The following EPS8 variants were observed in gnomAD, a reference collection of about 807,000 sequenced individuals.
EPS8 encodes the protein EGFR pathway substrate 8, signaling adaptor.
A neutral mutation model predicts 103.8 loss-of-function variants in EPS8; 42 were observed. The ratio of observed to expected loss-of-function variants is 0.40; its 90% confidence interval spans 0.32 to 0.52. The LOEUF is 0.52. Among genes scored for constraint, EPS8 ranks in the 20% least tolerant of loss-of-function variants. The pLI is 0.40. For synonymous variants in EPS8, 344 were observed against 344.6 expected (o/e 1.00, Z 0.02); for missense variants, 969 against 1,005.1 (o/e 0.96, Z 0.49).
chr12:15,707,935 C>A (rs1402163025), intron 1 of EPS8, among the ~76,000 whole-genome samples: 1 of 152,090 alleles, frequency 6.6e-6, no homozygotes, highest in African/African-American at 2.4e-5. Flanking sequence ...TTTTCTTCCC[C>A]TTTTATGTAT....
chr12:15,636,773 G>T (rs1030662604), intron 17 of EPS8, among the ~76,000 whole-genome samples: 2 of 152,050 alleles, frequency 1.3e-5, no homozygotes, highest in Non-Finnish European at 2.9e-5. Flanking sequence ...TTACAAAAAT[G>T]TCCTATTCTA....
At chr12:15,627,033 C>T (rs1374971000) in intron 18 of EPS8, among the ~76,000 whole-genome samples, 2 of 151,968 alleles carry the variant, frequency 1.3e-5, no homozygotes, top group Non-Finnish European at 2.9e-5. Context: ...AAGAGTCTCA[C>T]TCTGTTGCCA....
rs1947016886 is a variant in EPS8 at position 15,759,142 on chromosome 12, AT to A, written c.-22+30018del. ...ATGTGTTAATATTTCATAATATGGT[AT>A]TGTTATATCCCCTATGTTTTCTTTT... On this transcript the variant is annotated intron_variant, in intron 1 of 20. Coordinates refer to ENST00000281172, the MANE Select transcript of EPS8 (RefSeq NM_004447.6). The surrounding 1 kb of genome is among the most constrained non-coding windows in gnomAD (Gnocchi z 4.9). Among the ~76,000 whole-genome samples, 1 of 152,136 alleles carries A rather than the reference AT, an allele frequency of 6.6e-6. No individual in the cohort carries two copies. Among genetic ancestry groups the A allele is most frequent in the Non-Finnish European group, 1.5e-5 (1 of 67,988 alleles).
intron 1 of EPS8, among the ~76,000 whole-genome samples, chr12:15,730,705 C>A (rs889817350): frequency 3.9e-5 from 6 of 152,118 alleles, no homozygotes; most frequent in Non-Finnish European, 7.4e-5. Flanking sequence ...GAATTACGAA[C>A]CTATTAGGAC....
rs375194249 is a variant in EPS8, at chr12:15,631,553, C to G, written c.1933G>C (p.Val645Leu). 3 of 1,613,826 alleles carry G rather than the reference C, an allele frequency of 1.9e-6. No individual in the cohort carries two copies. The highest frequency in any genetic ancestry group is 2.7e-5 in the African/African-American group (2 of 74,844). The stretch of plus-strand genomic sequence containing the variant: ...TTTGCTGGGACCTTTGACACAGGAA[C>G]AGGTGCTGGAGTGGAAGGGGGAAGG... ...VPLPPSTPAP[V>L]PVSKVPANIT... The change falls in exon 18 of 21, where the codon GTT (valine) becomes CTT (leucine). Residue 645 changes from valine to leucine, a missense_variant. Val to Leu is a conservative substitution (Grantham distance 32). Transcript: ENST00000281172.
chr12:15,648,519 A>T (rs1002737401), intron 14 of EPS8, among the ~76,000 whole-genome samples: 1 of 152,240 alleles, frequency 6.6e-6, no homozygotes, highest in Non-Finnish European at 1.5e-5. Flanking sequence ...AAATAAAAAT[A>T]AACAAGTTTC....
chr12:15,642,945 C>G (rs1945257787), intron 15 of EPS8, among the ~76,000 whole-genome samples: 2 of 152,230 alleles, frequency 1.3e-5, no homozygotes, highest in South Asian at 4.1e-4. Flanking sequence ...CATGTAAGAA[C>G]AGCTTATTGG....
Position 15,716,077 on chromosome 12 carries a change from A to G in EPS8, c.-21-33105T>C, listed in dbSNP as rs1946530611. Among the ~76,000 whole-genome samples the G allele has an allele frequency of 6.6e-6, 1 of 152,192 alleles. No individual in the cohort carries two copies. Among genetic ancestry groups the G allele is most frequent in the African/African-American group, 2.4e-5 (1 of 41,444 alleles). ...TAATCAAAATAAACACTATAATCAT[A>G]AAATTCCAACCCAACATTTCAAAGT... On this transcript the variant is annotated intron_variant, in intron 1 of 20. Transcript: ENST00000281172. This position sits in a 1 kb window ranked among gnomAD's most constrained non-coding sequence, Gnocchi z 5.0.
rs1172776995 is a variant in EPS8, at chr12:15,733,441, G to T, written c.-21-50469C>A. On this transcript the variant is annotated intron_variant, in intron 1 of 20. Coordinates refer to ENST00000281172, the MANE Select transcript of EPS8 (RefSeq NM_004447.6). This position sits in a 1 kb window ranked among gnomAD's most constrained non-coding sequence, Gnocchi z 4.8. ...TCCCTCAACACATGGGGATTCTGGG[G>T]ATTATAATTTGAGATGAGATTTGGG... Among the ~76,000 whole-genome samples, 2 of 152,146 alleles carry T rather than the reference G, an allele frequency of 1.3e-5. No homozygotes were observed. Among genetic ancestry groups the T allele is most frequent in the Non-Finnish European group, 2.9e-5 (2 of 68,020 alleles).
chr12:15,692,906 G>C (rs1946194150), intron 1 of EPS8, among the ~76,000 whole-genome samples: 1 of 151,884 alleles, frequency 6.6e-6, no homozygotes, highest in African/African-American at 2.4e-5. Context: ...TATATTCTCT[G>C]ATCTTTCTGA....
At chr12:15,770,363 T>C (rs1277166269) in intron 1 of EPS8, among the ~76,000 whole-genome samples, 1 of 151,868 alleles carries the variant, frequency 6.6e-6, no homozygotes, top group African/African-American at 2.4e-5. Context: ...TTCATACTAT[T>C]AAAAATATTT....
chr12:15,710,753 T>C (rs571047197), intron 1 of EPS8, among the ~76,000 whole-genome samples: 1 of 152,310 alleles, frequency 6.6e-6, no homozygotes, highest in East Asian at 1.9e-4. Context: ...TTTAAAATAC[T>C]GGATTGTTTA....
At chr12:15,782,841 G>A (rs1179517397) in intron 1 of EPS8, among the ~76,000 whole-genome samples, 2 of 152,092 alleles carry the variant, frequency 1.3e-5, no homozygotes, top group East Asian at 1.9e-4. Flanking sequence ...TTATTGCAGC[G>A]AGCTCAAGTG....
At chr12:15,770,630 T>C (rs1015711634) in intron 1 of EPS8, among the ~76,000 whole-genome samples, 34 of 152,214 alleles carry the variant, frequency 2.2e-4, no homozygotes, top group African/African-American at 8.2e-4. Context: ...GTTTACTTAT[T>C]AAATCTGTGA....
In EPS8 at chr12:15,695,795, C is replaced by T. The variant is rs536098859; in HGVS notation, c.-21-12823G>A. 6.6e-6 allele frequency among the ~76,000 whole-genome samples: 1 copy of T among 152,104 alleles called. No homozygotes were observed. Among genetic ancestry groups the T allele is most frequent in the East Asian group, 1.9e-4 (1 of 5,170 alleles). ...TTTGAGACCAGCCTGGCCAAAATGG[C>T]GAAACCCCATCTCTACCAAAAATAT... On this transcript the variant is annotated intron_variant, in intron 1 of 20. Coordinates refer to ENST00000281172, the MANE Select transcript of EPS8 (RefSeq NM_004447.6). The surrounding 1 kb of genome is among the most constrained non-coding windows in gnomAD (Gnocchi z 5.0).
chr12:15,782,391 T>C (rs909188489), intron 1 of EPS8, among the ~76,000 whole-genome samples: 1 of 152,104 alleles, frequency 6.6e-6, no homozygotes, highest in Admixed American at 6.5e-5. Context: ...GTTCCAGCTA[T>C]TCAGAAGGCT....
intron 3 of EPS8, among the ~76,000 whole-genome samples, chr12:15,678,975 G>A (rs1945958318): frequency 6.9e-6 from 1 of 145,252 alleles, no homozygotes; most frequent in East Asian, 2.0e-4. Flanking sequence ...ATTTTACAAA[G>A]TTGCTTCTAA....
chr12:15,659,824 AATT>A (rs1945573137), intron 10 of EPS8, among the ~76,000 whole-genome samples: 1 of 152,204 alleles, frequency 6.6e-6, no homozygotes. Flanking sequence ...CATACTTCAA[AATT>A]GTCTGTATGT....
chr12:15,671,004 A>G lies in EPS8; in HGVS notation c.137-81T>C, dbSNP rs1038086838. The G allele has an allele frequency of 5.2e-6, 5 of 963,088 alleles. No homozygotes were observed. In the African/African-American group the frequency reaches 8.1e-5, roughly 16 times the overall value. The allele number at this position is 963,088 out of a possible 1,614,324, so 59.7% of individuals were successfully genotyped here. Reference sequence around the variant, plus strand: ...TGTTGGTATCATGTGGCTATCTCTAAAACTAGTCTATCTCACATATAAATA... The same window carrying G: ...TGTTGGTATCATGTGGCTATCTCTAGAACTAGTCTATCTCACATATAAATA... On this transcript the variant is annotated intron_variant, in intron 3 of 20. Coordinates refer to ENST00000281172, the MANE Select transcript of EPS8 (RefSeq NM_004447.6).
Sources: allele counts gnomAD v4.1 joint callset (sites outside exome capture counted in the v4.1 genomes callset), GRCh38; gene constraint gnomAD v4.1.1; non-coding constraint Gnocchi (gnomAD v3.1); transcripts MANE v1.5; gene names NCBI Gene and HGNC (gene_info 2026-07-23, HGNC 2026-07-21).